The following UBQLN1 variants were observed in gnomAD, a reference collection of about 807,000 sequenced individuals.
UBQLN1 encodes ubiquilin 1.
In UBQLN1, 13 loss-of-function variants were observed where a neutral mutation model predicts 65.4. The ratio of observed to expected loss-of-function variants is 0.20; its 90% confidence interval spans 0.13 to 0.32. The LOEUF (loss-of-function observed/expected upper bound fraction) is 0.32. UBQLN1 is among the 10% of genes least tolerant of loss of function. The pLI, the probability that UBQLN1 is intolerant of heterozygous loss-of-function variation, is 1.00. For synonymous variants in UBQLN1, 267 were observed against 247.8 expected, an observed-to-expected ratio of 1.08 and a Z score of -0.73; for missense variants, 561 against 724.0, an observed-to-expected ratio of 0.77 and a Z score of 2.58.
At chr9:83,692,840 G>A (rs113640732) in intron 1 of UBQLN1, among the ~76,000 whole-genome samples, 5,463 of 152,084 alleles carry the variant, frequency 0.036, 297 homozygotes, top group African/African-American at 0.12. Context: ...CAACAAGAGC[G>A]GAACTCCGTT....
At chr9:83,675,117 T>G (rs765762434) in intron 6 of UBQLN1, among the ~76,000 whole-genome samples, 1 of 152,204 alleles carries the variant, frequency 6.6e-6, no homozygotes, top group Non-Finnish European at 1.5e-5. Context: ...ACCAGTCAAC[T>G]TCATGAATTT....
intron 6 of UBQLN1, among the ~76,000 whole-genome samples, chr9:83,675,663 G>A (rs2131155114): frequency 6.6e-6 from 1 of 152,240 alleles, no homozygotes; most frequent in East Asian, 1.9e-4. Flanking sequence ...TGAATGTAAT[G>A]GCATGTTAAA....
chr9:83,676,710 C>G (rs560696489), intron 6 of UBQLN1, among the ~76,000 whole-genome samples: 1 of 152,160 alleles, frequency 6.6e-6, no homozygotes, highest in Non-Finnish European at 1.5e-5. Context: ...AATTCTTCAT[C>G]CAGCACCTCA....
chr9:83,686,802 AG>A (rs1288170402), intron 1 of UBQLN1, among the ~76,000 whole-genome samples: 1 of 152,136 alleles, frequency 6.6e-6, no homozygotes, highest in Non-Finnish European at 1.5e-5. Context: ...AAAACTTTTG[AG>A]TATCCATGAC....
chr9:83,662,329 A>C lies in UBQLN1; in HGVS notation c.1618-390T>G, dbSNP rs184781395. On this transcript the variant is annotated intron_variant, in intron 10 of 10. Coordinates refer to ENST00000376395, the MANE Select transcript of UBQLN1 (RefSeq NM_013438.5). ...ACACACACACAGATAGTTCAGAATT[A>C]GATGATTTGTGTAGCTACTGACCAA... Among the ~76,000 whole-genome samples the C allele has an allele frequency of 1.7e-3, 265 of 151,518 alleles. 1 individual carries two copies. Among genetic ancestry groups the C allele is most frequent in the African/African-American group, 6.1e-3 (250 of 41,218 alleles).
chr9:83,670,072 T>C (rs1340032848), intron 6 of UBQLN1, among the ~76,000 whole-genome samples: 1 of 152,204 alleles, frequency 6.6e-6, no homozygotes, highest in African/African-American at 2.4e-5. Flanking sequence ...GGGCTACAGC[T>C]GAATTTATGT....
At chr9:83,691,031 G>C (rs147421462) in intron 1 of UBQLN1, among the ~76,000 whole-genome samples, 2 of 151,808 alleles carry the variant, frequency 1.3e-5, no homozygotes, top group African/African-American at 4.8e-5. Context: ...CCAGCTACTC[G>C]GGAGGCTAAG....
intron 1 of UBQLN1, among the ~76,000 whole-genome samples, chr9:83,701,888 T>C (rs1476617543): frequency 2.0e-5 from 3 of 152,306 alleles, no homozygotes; most frequent in Non-Finnish European, 2.9e-5. Flanking sequence ...TTAGTCACAA[T>C]AGCCAGAAAG....
chr9:83,702,423 A>AT lies in UBQLN1; in HGVS notation c.180+5076dup, dbSNP rs980984299. On this transcript the variant is annotated intron_variant, in intron 1 of 10. Coordinates refer to ENST00000376395, the MANE Select transcript of UBQLN1 (RefSeq NM_013438.5). Reference sequence around the variant, plus strand: ...ATAAGAAAACAATGATCTCACAGACATTTTTTTTCTCAGATATCTTGCTAT... The same window carrying AT: ...ATAAGAAAACAATGATCTCACAGACATTTTTTTTTCTCAGATATCTTGCTAT... Among the ~76,000 whole-genome samples the AT allele has an allele frequency of 1.8e-4, 27 of 152,112 alleles. No individual in the cohort carries two copies. The East Asian group carries it at 3.1e-3, about 17-fold the overall frequency.
chr9:83,686,232 T>C (rs925514820), intron 1 of UBQLN1, 77 bp from the exon 2 acceptor site: 30 of 922,850 alleles, frequency 3.3e-5, no homozygotes, highest in Non-Finnish European at 4.5e-5. Flanking sequence ...AGGTACCTCA[T>C]AGAGGCCCCT....
chr9:83,680,174 A>C, intron 3 of UBQLN1, 137 bp from the exon 4 acceptor site: 1 of 956,628 alleles, frequency 1.0e-6, no homozygotes, highest in Non-Finnish European at 1.5e-6. Context: ...AACAAATCGA[A>C]TACCTATTAC....
intron 5 of UBQLN1, among the ~76,000 whole-genome samples, chr9:83,678,166 C>A (rs1032752593): frequency 6.6e-6 from 1 of 151,852 alleles, no homozygotes; most frequent in Non-Finnish European, 1.5e-5. Flanking sequence ...GGACTACAGG[C>A]GCCCACCACC....
chr9:83,669,441 ATAT>A (rs771618121), intron 6 of UBQLN1, 114 bp from the exon 7 acceptor site: 84 of 982,810 alleles, frequency 8.5e-5, no homozygotes, highest in Non-Finnish European at 1.1e-4. Flanking sequence ...ATGATTATAC[ATAT>A]TATGTATCAA....
At position 83,695,201 on chromosome 9, in the gene UBQLN1, C is replaced by CTTT. The variant is rs36072668; in HGVS notation, c.181-9049_181-9047dup. Among the ~76,000 whole-genome samples the CTTT allele has an allele frequency of 5.5e-3, 734 of 133,418 alleles. 9 individuals are homozygous for CTTT. The highest frequency in any genetic ancestry group is 0.013 in the African/African-American group (463 of 36,280). The allele number at this position is 133,418 out of a possible 152,430, so 87.5% of individuals were successfully genotyped here. A position where few individuals can be genotyped will look rare whatever the true frequency, so the allele number is the denominator to read the frequency against. ...TTTTATCCTGAATGGGCCCTCCCAC[C>CTTT]TTTTTTTTTTTTTTTGAGACTAAGT... On this transcript the variant is annotated intron_variant, in intron 1 of 10. Transcript: ENST00000376395.
At position 83,690,196 on chromosome 9, in the gene UBQLN1, C is replaced by T. The variant is rs2131174705; in HGVS notation, c.181-4041G>A. On this transcript the variant is annotated intron_variant, in intron 1 of 10. Coordinates refer to ENST00000376395, the MANE Select transcript of UBQLN1 (RefSeq NM_013438.5). ...GTATTGGCCAAAAACTGCAAACAAT[C>T]CAAATGTCCCTCAACTGTAAAATAA... Among the ~76,000 whole-genome samples, 3 of 152,274 alleles carry T rather than the reference C, an allele frequency of 2.0e-5. No homozygotes were observed. In the South Asian group the frequency reaches 6.2e-4, roughly 32 times the overall value.
chr9:83,683,771 C>T (rs1000820553), intron 2 of UBQLN1, among the ~76,000 whole-genome samples: 1 of 152,110 alleles, frequency 6.6e-6, no homozygotes, highest in Middle Eastern at 3.2e-3. Context: ...GCCTGTAATC[C>T]CAGCACTTTG....
intron 3 of UBQLN1, among the ~76,000 whole-genome samples, chr9:83,681,692 T>C (rs772047091): frequency 1.3e-5 from 2 of 152,248 alleles, no homozygotes; most frequent in South Asian, 2.1e-4. Context: ...CAGTAGCAGA[T>C]AGCAGTGCTC....
In UBQLN1 at chr9:83,665,021, T is replaced by G. The variant is rs1384102232; in HGVS notation, c.1448+9A>C. The G allele has an allele frequency of 1.3e-6, 2 of 1,563,714 alleles. No homozygotes were observed. The highest frequency in any genetic ancestry group is 1.7e-6 in the Non-Finnish European group (2 of 1,151,162). On this transcript the variant is annotated intron_variant, in intron 9 of 10. Coordinates refer to ENST00000376395, the MANE Select transcript of UBQLN1 (RefSeq NM_013438.5). ...ATACACTTTCATTATCTTCCCCAAATAAGCCTACCCTGGGATGAGGCCCGG... is the reference window on the plus strand; with the variant it reads ...ATACACTTTCATTATCTTCCCCAAAGAAGCCTACCCTGGGATGAGGCCCGG...
intron 4 of UBQLN1, among the ~76,000 whole-genome samples, chr9:83,679,083 A>G (rs1271062012): frequency 6.6e-6 from 1 of 152,146 alleles, no homozygotes; most frequent in Non-Finnish European, 1.5e-5. Context: ...ACAAACCAAA[A>G]TAGAGCCACT....
Sources: gnomAD v4.1 joint callset for allele counts (sites outside exome capture counted in the v4.1 genomes callset) on GRCh38, gnomAD v4.1.1 for gene constraint, MANE v1.5 for transcripts, NCBI Gene and HGNC (gene_info 2026-07-23, HGNC 2026-07-21) for gene names.